LLGL2: variants seen among roughly 807,000 people sequenced by gnomAD.
LLGL2 encodes the protein LLGL2, scribble cell polarity complex component.
Under a neutral mutation model 123.2 loss-of-function variants are expected in LLGL2, and 81 were observed. That is an observed-to-expected ratio of 0.66 (90% confidence interval 0.55 to 0.79). The LOEUF is 0.79. LLGL2 is among the 30% of genes least tolerant of loss of function. LLGL2 has a pLI of 0.00. For synonymous variants in LLGL2, 577 were observed against 594.1 expected (o/e 0.97, Z 0.42); for missense variants, 1,273 against 1,414.6 (o/e 0.90, Z 1.61).
chr17:75,560,803 A>T (rs12450232), intron 6 of LLGL2, among the ~76,000 whole-genome samples: 205 of 6,900 alleles, frequency 0.03, 8 homozygotes, highest in African/African-American at 0.076. Context: ...TTTATTTATT[A>T]AAAAAAAAAA....
At position 75,568,987 on chromosome 17, in the gene LLGL2, C is replaced by T. The variant is rs150901657; in HGVS notation, c.1332C>T (p.Asp444=). 132 of 1,612,292 alleles carry T rather than the reference C, an allele frequency of 8.2e-5. No individual in the cohort carries two copies. The African/African-American group carries it at 1.1e-3, about 14-fold the overall frequency. Residue 444 remains aspartate (D), a synonymous_variant, in exon 13 of 26, where the codon GAC becomes GAT. Transcript: ENST00000392550. The part of the protein sequence containing the change: ...QRDLLLTGHE[D]GTVRFWDASG... ...TGGGTTCTGCCCACAGGCACGAGGA[C>T]GGCACGGTGCGGTTCTGGGATGCCT...
chr17:75,558,489 A>T lies in LLGL2; in HGVS notation c.256-23A>T. 6.5e-7 allele frequency: 1 copy of T among 1,545,040 alleles called. No individual in the cohort carries two copies. The highest frequency in any genetic ancestry group is 8.8e-7 in the Non-Finnish European group (1 of 1,137,700). ...CTTGCCTGGGTAGCAAGACCACATG[A>T]TCCCGTCGTGTGCCCTCGCCAGTGC... On this transcript the variant is annotated intron_variant, in intron 4 of 25. Transcript: ENST00000392550. This position sits in a 1 kb window ranked among gnomAD's most constrained non-coding sequence, Gnocchi z 4.0.
At chr17:75,568,452 C>T (rs750370173) in intron 10 of LLGL2, 24 bp from the exon 11 acceptor site, 5 of 1,608,270 alleles carry the variant, frequency 3.1e-6, no homozygotes, top group Non-Finnish European at 2.5e-6. Flanking sequence ...GGCCCCGGCC[C>T]CTGACCCTTG....
At chr17:75,565,926 T>C (rs1241599487) in intron 10 of LLGL2, among the ~76,000 whole-genome samples, 2 of 152,166 alleles carry the variant, frequency 1.3e-5, no homozygotes, top group Non-Finnish European at 2.9e-5. Context: ...CCTGTTCCCA[T>C]GGAACTTAGA....
At chr17:75,552,932 G>C (rs1275690633) in intron 2 of LLGL2, among the ~76,000 whole-genome samples, 1 of 152,206 alleles carries the variant, frequency 6.6e-6, no homozygotes, top group Non-Finnish European at 1.5e-5. Context: ...ATTTCCACCA[G>C]AGTCCTCCAA....
At chr17:75,547,108 T>C (rs55738577) in intron 2 of LLGL2, among the ~76,000 whole-genome samples, 1 of 152,050 alleles carries the variant, frequency 6.6e-6, no homozygotes, top group Non-Finnish European at 1.5e-5. Flanking sequence ...GTCCAACACC[T>C]TTTGGCTCAA....
chr17:75,566,103 T>C (rs995734706), intron 10 of LLGL2, among the ~76,000 whole-genome samples: 3 of 152,220 alleles, frequency 2.0e-5, no homozygotes, highest in East Asian at 1.9e-4. Context: ...GCTTGCCCTG[T>C]AGGGACCTGG....
intron 2 of LLGL2, among the ~76,000 whole-genome samples, chr17:75,554,339 C>T (rs1047388431): frequency 4.0e-5 from 6 of 150,786 alleles, no homozygotes; most frequent in Non-Finnish European, 7.4e-5. Context: ...AGGCAGCTTG[C>T]AGTGACTCAC....
At chr17:75,555,744 T>A (rs2054881175) in intron 2 of LLGL2, among the ~76,000 whole-genome samples, 1 of 152,082 alleles carries the variant, frequency 6.6e-6, no homozygotes, top group African/African-American at 2.4e-5. Flanking sequence ...GCTGGGTCCG[T>A]CACCCAGGGT....
intron 7 of LLGL2, 36 bp from the exon 8 acceptor site, chr17:75,563,295 C>T (rs775058370): frequency 3.7e-6 from 6 of 1,606,936 alleles, no homozygotes; most frequent in South Asian, 1.1e-5. Context: ...CTCGGTCCAG[C>T]GTGCTGCCCT....
chr17:75,545,512 G>A (rs1316832116), intron 2 of LLGL2, among the ~76,000 whole-genome samples: 1 of 152,112 alleles, frequency 6.6e-6, no homozygotes, highest in African/African-American at 2.4e-5. Flanking sequence ...ATCCGGCTCG[G>A]GGAGTGTGGT....
rs2055299873 is a variant in LLGL2, at chr17:75,563,206, GCCATGTTGCTCTC to G, written c.693+32_693+44del. 2.5e-6 allele frequency: 4 copies of G among 1,611,192 alleles called. No homozygotes were observed. The East Asian group carries it at 8.9e-5, about 36-fold the overall frequency. Reference sequence around the variant, plus strand: ...AGGCAGTGCCCAGGACATGGCAGGCGCCATGTTGCTCTCCCAGGGCCCCAAGTGGCACATACAC... The same window carrying G: ...AGGCAGTGCCCAGGACATGGCAGGCGCCAGGGCCCCAAGTGGCACATACAC... On this transcript the variant is annotated intron_variant, in intron 7 of 25. Transcript: ENST00000392550.
Position 75,569,137 on chromosome 17 carries a change from G to T in LLGL2, c.1476+6G>T, listed in dbSNP as rs1274891453. On this transcript the variant is annotated splice_donor_region_variant and intron_variant, in intron 13 of 25. Transcript: ENST00000392550. Reference sequence around the variant, plus strand: ...AGTGGCCCCCACTCCGCAAGGTGAGGCCAGGAGCCTGGGACCCAGGAAGGG... The same window carrying T: ...AGTGGCCCCCACTCCGCAAGGTGAGTCCAGGAGCCTGGGACCCAGGAAGGG... The T allele has an allele frequency of 3.1e-6, 5 of 1,613,354 alleles. No homozygotes were observed. The highest frequency in any genetic ancestry group is 3.3e-4 in the Middle Eastern group (2 of 6,060).
At chr17:75,531,743 G>A (rs1474389102) in intron 1 of LLGL2, among the ~76,000 whole-genome samples, 3 of 152,212 alleles carry the variant, frequency 2.0e-5, no homozygotes, top group Admixed American at 6.5e-5. Context: ...CTCGCTCACT[G>A]TGCCCGTGGC....
rs2054111362 is a variant in LLGL2, at chr17:75,539,043, ACACCATGCCTGGC to A, written c.-30-4353_-30-4341del. 2.0e-5 allele frequency among the ~76,000 whole-genome samples: 3 copies of A among 151,080 alleles called. No individual in the cohort carries two copies. The South Asian group carries it at 6.3e-4, about 32-fold the overall frequency. On this transcript the variant is annotated intron_variant, in intron 1 of 25. Coordinates refer to ENST00000392550, the MANE Select transcript of LLGL2 (RefSeq NM_001031803.2). ...AAGTAGCTGGGACCACAGGTGCTTGACACCATGCCTGGCTAATCCTTTTTGTTTGTTTTGAGAC... is the reference window on the plus strand; with the variant it reads ...AAGTAGCTGGGACCACAGGTGCTTGATAATCCTTTTTGTTTGTTTTGAGAC...
Position 75,563,015 on chromosome 17 carries a change from G to C in LLGL2, c.531-1G>C. The C allele has an allele frequency of 6.2e-7, 1 of 1,611,658 alleles. No homozygotes were observed. Among genetic ancestry groups the C allele is most frequent in the Non-Finnish European group, 8.5e-7 (1 of 1,179,994 alleles). On this transcript the variant is annotated splice_acceptor_variant, in intron 6 of 25. Coordinates refer to ENST00000392550, the MANE Select transcript of LLGL2 (RefSeq NM_001031803.2). LOFTEE classifies it high-confidence loss of function. ...AGGCTCACGGCACTCCCCTCGCCCAGGTTGCCAGAGGAGGCCCGCCACCGG... is the reference window on the plus strand; with the variant it reads ...AGGCTCACGGCACTCCCCTCGCCCACGTTGCCAGAGGAGGCCCGCCACCGG...
chr17:75,565,510 A>G (rs2055407545), intron 10 of LLGL2, among the ~76,000 whole-genome samples: 1 of 152,102 alleles, frequency 6.6e-6, no homozygotes, highest in African/African-American at 2.4e-5. Flanking sequence ...AGCAGGGCCC[A>G]GCTCTGCTCT....
chr17:75,550,780 C>CAA lies in LLGL2; in HGVS notation c.76-5243_76-5242dup, dbSNP rs57482643. Among the ~76,000 whole-genome samples the CAA allele has an allele frequency of 3.3e-3, 312 of 94,596 alleles. 7 individuals carry two copies. The highest frequency in any genetic ancestry group is 8.4e-3 in the African/African-American group (183 of 21,894). The allele number at this position is 94,596 out of a possible 152,430, so 62.1% of individuals were successfully genotyped here. A position where few individuals can be genotyped will look rare whatever the true frequency, so the allele number is the denominator to read the frequency against. The stretch of plus-strand genomic sequence containing the variant: ...TGGGCAACAGAGTGAGACCCTGTCT[C>CAA]AAAAAAAAAAAAAAAAAAAAAAAAC... On this transcript the variant is annotated intron_variant, in intron 2 of 25. Coordinates refer to ENST00000392550, the MANE Select transcript of LLGL2 (RefSeq NM_001031803.2).
chr17:75,573,179 G>T lies in LLGL2; in HGVS notation c.2626G>T (p.Val876Phe), dbSNP rs1330855497. ...TACCAACCTGGGCGACATCCAGGTG[G>T]TCTCGCTGCCCCTGCTCAAGCCCCA... ...VLTNLGDIQV[V>F]SLPLLKPQVR... is the part of the protein sequence containing the mutation. The change falls in exon 20 of 26, where the codon GTC becomes TTC. Residue 876 changes from valine (V) to phenylalanine (F), a missense_variant. Val to Phe is a conservative substitution (Grantham distance 50, BLOSUM62 -1). Transcript: ENST00000392550. 2 of 1,613,030 alleles carry T rather than the reference G, an allele frequency of 1.2e-6. No individual in the cohort carries two copies. Among genetic ancestry groups the T allele is most frequent in the Non-Finnish European group, 1.7e-6 (2 of 1,179,914 alleles).
Sources: allele counts gnomAD v4.1 joint callset (sites outside exome capture counted in the v4.1 genomes callset), GRCh38; gene constraint gnomAD v4.1.1; non-coding constraint Gnocchi (gnomAD v3.1); transcripts MANE v1.5; gene names NCBI Gene and HGNC (gene_info 2026-07-23, HGNC 2026-07-21).